Variants in SLC9A9 observed in about 807,000 individuals in gnomAD.
The protein encoded by SLC9A9 is solute carrier family 9 member A9.
In SLC9A9, 62 loss-of-function variants were observed where a neutral mutation model predicts 77.8. The observed-to-expected ratio is 0.80, with a 90% CI of 0.65 to 0.98. SLC9A9 has a LOEUF of 0.98. SLC9A9 is among the 50% of genes least tolerant of loss of function. The pLI, the probability that SLC9A9 is intolerant of heterozygous loss-of-function variation, is 0.00. For missense variants in SLC9A9, 775 were observed against 774.9 expected, an observed-to-expected ratio of 1.00 and a Z score of 0.00; for synonymous variants, 320 against 283.5, an observed-to-expected ratio of 1.13 and a Z score of -1.29.
At chr3:143,779,803 T>C (rs1199559558) in intron 4 of SLC9A9, among the ~76,000 whole-genome samples, 3 of 152,236 alleles carry the variant, frequency 2.0e-5, no homozygotes, top group South Asian at 2.1e-4. Context: ...GAAACTATTA[T>C]ATTTTGCCCA....
intron 1 of SLC9A9, among the ~76,000 whole-genome samples, chr3:143,840,604 A>C (rs546768094): frequency 6.6e-6 from 1 of 152,250 alleles, no homozygotes; most frequent in South Asian, 2.1e-4. Flanking sequence ...ATATGGATGT[A>C]TTTTCATAGT....
intron 5 of SLC9A9, among the ~76,000 whole-genome samples, chr3:143,658,855 G>T (rs535050244): frequency 1.3e-5 from 2 of 152,334 alleles, no homozygotes; most frequent in Admixed American, 6.5e-5. Context: ...ATCAATCCAG[G>T]TGGGGAATGT....
At chr3:143,480,178 T>C (rs1331934889) in intron 11 of SLC9A9, among the ~76,000 whole-genome samples, 1 of 152,212 alleles carries the variant, frequency 6.6e-6, no homozygotes, top group Non-Finnish European at 1.5e-5. Context: ...CTAAAAAATA[T>C]TGTGGTGTGC....
intron 13 of SLC9A9, among the ~76,000 whole-genome samples, chr3:143,373,604 G>GAAAAAA (rs1559887556): frequency 5.1e-5 from 1 of 19,582 alleles, no homozygotes; most frequent in Non-Finnish European, 1.1e-4. Context: ...CACTGAAATA[G>GAAAAAA]TAAAAAAAAA....
chr3:143,274,144 C>T (rs543662705), intron 14 of SLC9A9, among the ~76,000 whole-genome samples: 2 of 152,196 alleles, frequency 1.3e-5, no homozygotes, highest in African/African-American at 4.8e-5. Context: ...GACTTTTTGC[C>T]CACTGGGAGC....
chr3:143,502,899 T>G (rs144187293), intron 9 of SLC9A9, among the ~76,000 whole-genome samples: 4 of 152,330 alleles, frequency 2.6e-5, no homozygotes, highest in East Asian at 1.9e-4. Flanking sequence ...ACACAGAATA[T>G]CTCAGATTTC....
chr3:143,314,191 A>C (rs1376996882), intron 14 of SLC9A9: 1 of 152,240 alleles, frequency 6.6e-6, no homozygotes, highest in African/African-American at 2.4e-5. Flanking sequence ...CACATTACTA[A>C]CTGTTCAGTA....
chr3:143,511,651 G>A (rs1487820770), intron 9 of SLC9A9, among the ~76,000 whole-genome samples: 6 of 152,172 alleles, frequency 3.9e-5, no homozygotes, highest in African/African-American at 1.4e-4. Flanking sequence ...TTTTACTCCA[G>A]CAATACTGGA....
At chr3:143,474,479 T>C (rs2035433498) in intron 11 of SLC9A9, among the ~76,000 whole-genome samples, 1 of 151,990 alleles carries the variant, frequency 6.6e-6, no homozygotes, top group Non-Finnish European at 1.5e-5. Flanking sequence ...ATCAGACCAC[T>C]GATGATAGCA....
At chr3:143,347,989 G>A (rs188817992) in intron 14 of SLC9A9, among the ~76,000 whole-genome samples, 4 of 151,508 alleles carry the variant, frequency 2.6e-5, no homozygotes, top group East Asian at 1.9e-4. Context: ...CAGCTCAGTC[G>A]AAAGCTGGAT....
intron 4 of SLC9A9, among the ~76,000 whole-genome samples, chr3:143,775,175 C>T (rs999948064): frequency 6.6e-6 from 1 of 152,070 alleles, no homozygotes; most frequent in African/African-American, 2.4e-5. Context: ...GAATTTTAGC[C>T]CTGGGAAAAC....
chr3:143,470,232 T>C (rs2035354834), intron 11 of SLC9A9, among the ~76,000 whole-genome samples: 2 of 151,996 alleles, frequency 1.3e-5, no homozygotes, highest in Admixed American at 1.3e-4. Context: ...TCTCAGCACT[T>C]TGGGAGGCTG....
chr3:143,483,023 A>G (rs528226077), intron 11 of SLC9A9, among the ~76,000 whole-genome samples: 7 of 152,342 alleles, frequency 4.6e-5, no homozygotes, highest in African/African-American at 1.7e-4. Flanking sequence ...GAATTTAAAG[A>G]AGGTCTTAAA....
Position 143,267,534 on chromosome 3 carries a change from G to A in SLC9A9, c.1711-605C>T, listed in dbSNP as rs141729067. 3.9e-3 allele frequency among the ~76,000 whole-genome samples: 586 copies of A among 151,996 alleles called. 7 individuals carry two copies. Among genetic ancestry groups the A allele is most frequent in the Admixed American group, 0.035 (528 of 15,280 alleles). On this transcript the variant is annotated intron_variant, in intron 15 of 15. Transcript: ENST00000316549. ...CATCTGGCTAATTTTTGTATTTTTA[G>A]TAGAGACGGGGTTTTGCCATGTTGG...
At chr3:143,309,282 T>C (rs1484150141) in intron 14 of SLC9A9, among the ~76,000 whole-genome samples, 1 of 152,154 alleles carries the variant, frequency 6.6e-6, no homozygotes, top group Non-Finnish European at 1.5e-5. Context: ...GATAGGCAGA[T>C]GGTAGGAATC....
At chr3:143,691,386 T>A (rs1387442393) in intron 5 of SLC9A9, among the ~76,000 whole-genome samples, 1 of 152,122 alleles carries the variant, frequency 6.6e-6, no homozygotes, top group African/African-American at 2.4e-5. Context: ...GATTCTTATA[T>A]GTTCCTAAGA....
intron 6 of SLC9A9, among the ~76,000 whole-genome samples, chr3:143,629,981 A>G (rs1312845030): frequency 6.6e-6 from 1 of 152,138 alleles, no homozygotes; most frequent in African/African-American, 2.4e-5. Context: ...CAAGGAGATG[A>G]AAGATAATCC....
At chr3:143,327,532 T>C (rs1474988094) in intron 14 of SLC9A9, among the ~76,000 whole-genome samples, 2 of 152,228 alleles carry the variant, frequency 1.3e-5, no homozygotes, top group African/African-American at 4.8e-5. Flanking sequence ...TCTTATGCCC[T>C]GAGGCTTTTC....
At chr3:143,458,258 T>C (rs1303918821) in intron 12 of SLC9A9, among the ~76,000 whole-genome samples, 2 of 152,146 alleles carry the variant, frequency 1.3e-5, no homozygotes, top group Non-Finnish European at 2.9e-5. Flanking sequence ...CAGCTTCATT[T>C]TGATTGGTGT....
Sources: gnomAD v4.1 joint callset for allele counts (sites outside exome capture counted in the v4.1 genomes callset) on GRCh38, gnomAD v4.1.1 for gene constraint, MANE v1.5 for transcripts, NCBI Gene and HGNC (gene_info 2026-07-23, HGNC 2026-07-21) for gene names.